FAAH2: variants seen among roughly 807,000 people sequenced by gnomAD.
FAAH2 encodes the protein fatty acid amide hydrolase 2.
Under a neutral mutation model 36.9 loss-of-function variants are expected in FAAH2, and 60 were observed. The ratio of observed to expected loss-of-function variants is 1.63; its 90% CI spans 1.32 to 2.02. FAAH2 has a LOEUF of 2.02. Among genes scored for constraint, FAAH2 ranks in the 30% most tolerant of loss-of-function variants. The probability of loss-of-function intolerance (pLI) is 0.00; values close to 1 mark genes in which losing one functional copy is unlikely to be tolerated. For missense variants in FAAH2, 689 were observed against 397.5 expected (o/e 1.73, Z -6.23); for synonymous variants, 214 against 143.8 (o/e 1.49, Z -3.49).
chrX:57,215,462 T>G, the FAAH2 span, among the ~76,000 whole-genome samples: 1 of 111,703 alleles, frequency 9.0e-6, no homozygotes, highest in Non-Finnish European at 1.9e-5. Flanking sequence ...ATCCTATTAC[T>G]GGGTATATAC....
chrX:57,312,541 A>C (rs1187729814), intron 3 of FAAH2, among the ~76,000 whole-genome samples: 1 of 110,595 alleles, frequency 9.0e-6, no homozygotes, highest in Non-Finnish European at 1.9e-5. Context: ...TTAGCTGGGC[A>C]TGGTGGCGGG....
At chrX:57,384,109 C>T in intron 7 of FAAH2, among the ~76,000 whole-genome samples, 1 of 111,012 alleles carries the variant, frequency 9.0e-6, no homozygotes, top group Non-Finnish European at 1.9e-5. Flanking sequence ...GCTGGGAAAA[C>T]TGGCTAGCCA....
rs58044817 is a variant in FAAH2 at position 57,352,090 on chromosome X, ATG to A, written c.742+10701_742+10702del. On this transcript the variant is annotated intron_variant, in intron 5 of 10. Coordinates refer to ENST00000374900, the MANE Select transcript of FAAH2 (RefSeq NM_174912.4). ...TACACATATATATATGTGTATATAT[ATG>A]CACATATATATATATGTGTATATAT... Among the ~76,000 whole-genome samples, 18 of 22,923 alleles carry A rather than the reference ATG, an allele frequency of 7.9e-4. 2 individuals are homozygous for A. Among genetic ancestry groups the A allele is most frequent in the East Asian group, 6.6e-3 (3 of 453 alleles). 19.9% of individuals were successfully genotyped at this position (22,923 alleles called of 115,157 possible).
intron 2 of FAAH2, among the ~76,000 whole-genome samples, chrX:57,295,577 T>C (rs1271259309): frequency 8.9e-6 from 1 of 111,738 alleles, no homozygotes; most frequent in East Asian, 2.8e-4. Flanking sequence ...AGGTACTGGG[T>C]TCATCTCACT....
intron 2 of FAAH2, among the ~76,000 whole-genome samples, chrX:57,302,683 C>G (rs747193849): frequency 9.0e-6 from 1 of 111,218 alleles, no homozygotes; most frequent in Non-Finnish European, 1.9e-5. Flanking sequence ...ATTTCGCTCC[C>G]CTACCACTGG....
chrX:57,403,047 A>G (rs1251716439), intron 7 of FAAH2, among the ~76,000 whole-genome samples: 1 of 111,995 alleles, frequency 8.9e-6, no homozygotes, highest in Non-Finnish European at 1.9e-5. Flanking sequence ...ACATCAGTAT[A>G]GCCATCAGGG....
the FAAH2 span, among the ~76,000 whole-genome samples, chrX:57,163,907 G>C: frequency 2.3e-4 from 26 of 112,126 alleles, no homozygotes; most frequent in African/African-American, 8.4e-4. Flanking sequence ...TTTCTTAACC[G>C]ATGTATGGTC....
At chrX:57,477,678 C>T (rs1381104008) in intron 10 of FAAH2, among the ~76,000 whole-genome samples, 18 of 98,410 alleles carry the variant, frequency 1.8e-4, no homozygotes, top group Non-Finnish European at 1.2e-4. Flanking sequence ...TAAGATGTTT[C>T]CCTTCCTGTG....
At chrX:57,243,564 C>A in the FAAH2 span, among the ~76,000 whole-genome samples, 1 of 112,421 alleles carries the variant, frequency 8.9e-6, no homozygotes, top group South Asian at 3.7e-4. Flanking sequence ...AGGCAGCAAT[C>A]TTTGCCATTC....
the FAAH2 span, among the ~76,000 whole-genome samples, chrX:57,255,358 C>T: frequency 5.4e-5 from 6 of 112,015 alleles, no homozygotes; most frequent in Non-Finnish European, 1.9e-5. Context: ...CAAAGAGGAG[C>T]TGGTAACATT....
At chrX:57,149,367 G>T in the FAAH2 span, among the ~76,000 whole-genome samples, 2 of 111,687 alleles carry the variant, frequency 1.8e-5, no homozygotes, top group African/African-American at 6.5e-5. Context: ...GTAGAATTCG[G>T]CTGTGAATCC....
chrX:57,142,901 TTGTC>T, the FAAH2 span, among the ~76,000 whole-genome samples: 1 of 111,923 alleles, frequency 8.9e-6, no homozygotes, highest in African/African-American at 3.2e-5. Context: ...GACATCTACT[TTGTC>T]TGATATAAGT....
chrX:57,302,558 T>TA (rs1194374353), intron 2 of FAAH2, among the ~76,000 whole-genome samples: 1 of 110,612 alleles, frequency 9.0e-6, no homozygotes, highest in East Asian at 2.9e-4. Flanking sequence ...TGTGGTATCA[T>TA]AGAGAAGGTT....
the FAAH2 span, among the ~76,000 whole-genome samples, chrX:57,253,053 A>T: frequency 8.9e-6 from 1 of 112,134 alleles, no homozygotes; most frequent in Non-Finnish European, 1.9e-5. Context: ...TAGAATAACC[A>T]GTGTACAGAA....
At chrX:57,436,449 C>A (rs2056412965) in intron 8 of FAAH2, among the ~76,000 whole-genome samples, 1 of 109,280 alleles carries the variant, frequency 9.2e-6, no homozygotes, top group Non-Finnish European at 1.9e-5. Context: ...AGTGTTGGTT[C>A]TTAAAAAAGG....
chrX:57,122,076 A>G, the FAAH2 span: 12 of 110,982 alleles, frequency 1.1e-4, no homozygotes, highest in Admixed American at 2.9e-4. Context: ...CTTTATTGCA[A>G]GATAATTGCA....
At chrX:57,473,751 C>G (rs1317513965) in intron 10 of FAAH2, among the ~76,000 whole-genome samples, 1 of 111,490 alleles carries the variant, frequency 9.0e-6, no homozygotes, top group Non-Finnish European at 1.9e-5. Flanking sequence ...TGGAGCTTTT[C>G]TTAATATATA....
At position 57,438,266 on chromosome X, in the gene FAAH2, GATATA is replaced by G. The variant is rs1390573589; in HGVS notation, c.1116+6230_1116+6234del. Among the ~76,000 whole-genome samples, 110 of 104,753 alleles carry G rather than the reference GATATA, an allele frequency of 1.1e-3. 1 individual carries two copies. Among genetic ancestry groups the G allele is most frequent in the African/African-American group, 3.6e-3 (106 of 29,093 alleles). The allele number at this position is 104,753 out of a possible 115,157, so 91.0% of individuals were successfully genotyped here. A position where few individuals can be genotyped will look rare whatever the true frequency, so the allele number is the denominator to read the frequency against. ...ATATAGATATAAGTATATAGATATA[GATATA>G]GATATAGATATCAGTAAAACTACAG... On this transcript the variant is annotated intron_variant, in intron 8 of 10. Coordinates refer to ENST00000374900, the MANE Select transcript of FAAH2 (RefSeq NM_174912.4).
At chrX:57,363,924 T>A (rs1356574000) in intron 5 of FAAH2, among the ~76,000 whole-genome samples, 1 of 109,629 alleles carries the variant, frequency 9.1e-6, no homozygotes, top group Non-Finnish European at 1.9e-5. Flanking sequence ...ATTAATTACC[T>A]TCTTTATATG....
Sources: gnomAD v4.1 joint callset for allele counts (sites outside exome capture counted in the v4.1 genomes callset) on GRCh38, gnomAD v4.1.1 for gene constraint, MANE v1.5 for transcripts, NCBI Gene and HGNC (gene_info 2026-07-23, HGNC 2026-07-21) for gene names.